Variants in SHROOM3 observed in about 807,000 individuals in gnomAD.
SHROOM3 encodes the protein protein Shroom3.
A neutral mutation model predicts 138.6 loss-of-function variants in SHROOM3; 47 were observed. That is an observed-to-expected ratio of 0.34 (90% CI 0.27 to 0.43). The LOEUF (loss-of-function observed/expected upper bound fraction) is 0.43, where lower values mean the gene tolerates loss of function less well. Ranked by LOEUF, SHROOM3 falls within the 20% of genes least tolerant of loss-of-function variation. The pLI is 1.00. For missense variants in SHROOM3, 2,491 were observed against 2,596.5 expected, an observed-to-expected ratio of 0.96 and a Z score of 0.88; for synonymous variants, 1,062 against 1,063.3, an observed-to-expected ratio of 1.00 and a Z score of 0.02.
intron 2 of SHROOM3, among the ~76,000 whole-genome samples, chr4:76,619,798 A>C (rs1389181271): frequency 6.6e-6 from 1 of 152,290 alleles, no homozygotes; most frequent in Non-Finnish European, 1.5e-5. Context: ...GTGGTGGCTC[A>C]TGCCTCTAAT....
At chr4:76,681,460 A>G (rs1454214186) in intron 2 of SHROOM3, among the ~76,000 whole-genome samples, 2 of 152,152 alleles carry the variant, frequency 1.3e-5, no homozygotes, top group Admixed American at 1.3e-4. Context: ...TTCTTTAAAA[A>G]AAAAAAACTG....
chr4:76,607,226 T>C (rs1190225844), intron 2 of SHROOM3, among the ~76,000 whole-genome samples: 1 of 152,200 alleles, frequency 6.6e-6, no homozygotes, highest in African/African-American at 2.4e-5. Flanking sequence ...ACATATTTTG[T>C]GGTCCTTCTG....
At chr4:76,721,656 G>A (rs1371373945) in intron 3 of SHROOM3, among the ~76,000 whole-genome samples, 4 of 152,194 alleles carry the variant, frequency 2.6e-5, no homozygotes, top group Non-Finnish European at 5.9e-5. Context: ...GACTACAGGC[G>A]TGAGCCACCA....
intron 1 of SHROOM3, 150 bp from the exon 2 acceptor site, chr4:76,555,459 A>G (rs1045732556): frequency 4.3e-6 from 5 of 1,173,584 alleles, no homozygotes; most frequent in Non-Finnish European, 6.1e-6. Context: ...CTGCGCTCTC[A>G]CAGTTTTCCC....
chr4:76,698,595 AG>A (rs1256159499), intron 2 of SHROOM3, among the ~76,000 whole-genome samples: 5 of 152,154 alleles, frequency 3.3e-5, no homozygotes, highest in Non-Finnish European at 5.9e-5. Flanking sequence ...CGCTTACAAA[AG>A]GGGAGGGGTC....
intron 1 of SHROOM3, among the ~76,000 whole-genome samples, chr4:76,446,866 A>C (rs969046390): frequency 5.9e-5 from 9 of 152,122 alleles, no homozygotes; most frequent in African/African-American, 2.2e-4. Context: ...CTTAGTTCAA[A>C]ATGTAGTACA....
At chr4:76,721,837 G>A (rs1396033934) in intron 3 of SHROOM3, among the ~76,000 whole-genome samples, 2 of 152,170 alleles carry the variant, frequency 1.3e-5, no homozygotes, top group East Asian at 1.9e-4. Context: ...TAGCTTGTAG[G>A]GGCAAGAGAA....
chr4:76,766,634 G>A (rs983903243), intron 9 of SHROOM3, among the ~76,000 whole-genome samples: 2 of 152,214 alleles, frequency 1.3e-5, no homozygotes, highest in African/African-American at 4.8e-5. Flanking sequence ...TATTCTGGTA[G>A]ACATTGGTAG....
At chr4:76,448,433 T>G (rs1730857944) in intron 1 of SHROOM3, among the ~76,000 whole-genome samples, 1 of 152,226 alleles carries the variant, frequency 6.6e-6, no homozygotes, top group Non-Finnish European at 1.5e-5. Flanking sequence ...TGTCAGCATC[T>G]GCAATTCTTT....
At chr4:76,692,404 G>GT (rs1367522599) in intron 2 of SHROOM3, among the ~76,000 whole-genome samples, 4 of 152,180 alleles carry the variant, frequency 2.6e-5, no homozygotes, top group Non-Finnish European at 5.9e-5. Flanking sequence ...AATAAAACAT[G>GT]TTAATAAGCT....
rs759640068 is a variant in SHROOM3 at position 76,710,295 on chromosome 4, G to A, written c.455+8G>A. The stretch of plus-strand genomic sequence containing the variant: ...ACTTCGGCTGAAGCACAGGTAAGAC[G>A]CACGGAAGTTGGTGCTGGCAGTTCG... On this transcript the variant is annotated splice_region_variant and intron_variant, in intron 3 of 10. Coordinates refer to ENST00000296043, the MANE Select transcript of SHROOM3 (RefSeq NM_020859.4). 8.1e-6 allele frequency: 13 copies of A among 1,613,606 alleles called. No individual in the cohort carries two copies. Among genetic ancestry groups the A allele is most frequent in the South Asian group, 1.1e-5 (1 of 91,058 alleles).
chr4:76,607,861 A>G (rs1309226041), intron 2 of SHROOM3, among the ~76,000 whole-genome samples: 1 of 152,104 alleles, frequency 6.6e-6, no homozygotes, highest in East Asian at 1.9e-4. Flanking sequence ...GACCTTATAT[A>G]CTCCCAAGCC....
intron 2 of SHROOM3, among the ~76,000 whole-genome samples, chr4:76,690,995 A>G (rs1577976159): frequency 6.6e-6 from 1 of 152,190 alleles, no homozygotes; most frequent in Non-Finnish European, 1.5e-5. Flanking sequence ...TATTGTGGCA[A>G]TTTCTCTTGA....
intron 10 of SHROOM3, among the ~76,000 whole-genome samples, chr4:76,773,053 T>TA (rs1439054784): frequency 6.6e-6 from 1 of 152,090 alleles, no homozygotes; most frequent in African/African-American, 2.4e-5. Flanking sequence ...GTCTAGAACA[T>TA]ACAGTGATTG....
intron 2 of SHROOM3, among the ~76,000 whole-genome samples, chr4:76,579,251 G>A (rs1220991078): frequency 6.6e-6 from 1 of 151,982 alleles, no homozygotes; most frequent in Non-Finnish European, 1.5e-5. Flanking sequence ...GGCAGATCAC[G>A]AGGTCAAGAA....
chr4:76,779,303 A>C lies in SHROOM3; in HGVS notation c.*126A>C. The C allele has an allele frequency of 9.0e-6, 12 of 1,333,056 alleles. No homozygotes were observed. The highest frequency in any genetic ancestry group is 1.2e-5 in the Non-Finnish European group (12 of 992,782). The allele number at this position is 1,333,056 out of a possible 1,614,324, so 82.6% of individuals were successfully genotyped here. On this transcript the variant is annotated 3_prime_UTR_variant, in exon 11 of 11. Coordinates refer to ENST00000296043, the MANE Select transcript of SHROOM3 (RefSeq NM_020859.4). ...TTGGTGTTTGTTCCTGATGAAAGGA[A>C]AAAAATTCTCTCCAGGAGGAAGCCT...
chr4:76,448,551 C>A (rs1160188975), intron 1 of SHROOM3, among the ~76,000 whole-genome samples: 1 of 152,200 alleles, frequency 6.6e-6, no homozygotes, highest in Non-Finnish European at 1.5e-5. Context: ...TGGGATGACT[C>A]TAAGGTGTAT....
chr4:76,766,505 T>C (rs1281731090), intron 9 of SHROOM3, among the ~76,000 whole-genome samples: 3 of 152,198 alleles, frequency 2.0e-5, no homozygotes, highest in Non-Finnish European at 4.4e-5. Context: ...TCACACAGGG[T>C]GAGCTAACAG....
chr4:76,747,465 C>T (rs1024862889), intron 5 of SHROOM3, among the ~76,000 whole-genome samples: 1 of 152,134 alleles, frequency 6.6e-6, no homozygotes, highest in Admixed American at 6.5e-5. Flanking sequence ...ATTACTGGGT[C>T]TAATTCCTTT....
Sources: gnomAD v4.1 joint callset for allele counts (sites outside exome capture counted in the v4.1 genomes callset) on GRCh38, gnomAD v4.1.1 for gene constraint, MANE v1.5 for transcripts, NCBI Gene and HGNC (gene_info 2026-07-23, HGNC 2026-07-21) for gene names.